Variants in OSER1 observed in about 807,000 individuals in gnomAD.
The protein encoded by OSER1 is oxidative stress-responsive serine-rich protein 1.
Under a neutral mutation model 26.3 loss-of-function variants are expected in OSER1, and 15 were observed. The ratio of observed to expected loss-of-function variants is 0.57; its 90% CI spans 0.38 to 0.88. The LOEUF is 0.88. Ranked by LOEUF, OSER1 falls within the 40% of genes least tolerant of loss-of-function variation. The probability of loss-of-function intolerance (pLI) is 0.00; values close to 1 mark genes in which losing one functional copy is unlikely to be tolerated. For synonymous variants in OSER1, 127 were observed against 128.2 expected (o/e 0.99, Z 0.07); for missense variants, 313 against 353.9 (o/e 0.88, Z 0.93).
At chr20:44,209,363 G>A (rs2073073500) in intron 1 of OSER1, among the ~76,000 whole-genome samples, 1 of 152,146 alleles carries the variant, frequency 6.6e-6, no homozygotes, top group Non-Finnish European at 1.5e-5. Context: ...ATGAGCGTTA[G>A]GCATAACCTT....
chr20:44,202,123 C>A (rs947431623), intron 3 of OSER1, among the ~76,000 whole-genome samples: 1 of 152,190 alleles, frequency 6.6e-6, no homozygotes, highest in Non-Finnish European at 1.5e-5. Flanking sequence ...CACCTGTAAT[C>A]CTAGCACTTT....
At position 44,196,669 on chromosome 20, in the gene OSER1, T is replaced by C. The variant is rs1452456682; in HGVS notation, c.*383A>G. On this transcript the variant is annotated 3_prime_UTR_variant, in exon 4 of 4. Transcript: ENST00000255174. ...GCTGGCAACTACAGCATGACAAATG[T>C]TTAGTGCAGTTACAAAATCACATTT... 5.4e-6 allele frequency: 1 copy of C among 183,764 alleles called. No individual in the cohort carries two copies. Among genetic ancestry groups the C allele is most frequent in the Non-Finnish European group, 1.2e-5 (1 of 86,424 alleles). The allele number at this position is 183,764 out of a possible 1,614,324, so 11.4% of individuals were successfully genotyped here.
At chr20:44,199,713 C>T (rs1479190084) in intron 3 of OSER1, among the ~76,000 whole-genome samples, 2 of 152,206 alleles carry the variant, frequency 1.3e-5, no homozygotes, top group African/African-American at 4.8e-5. Flanking sequence ...GTGAAAGTTA[C>T]AGCCACAGTG....
In OSER1 at chr20:44,207,012, T is replaced by A. The variant is rs1041368240; in HGVS notation, c.-41-14A>T. On this transcript the variant is annotated splice_polypyrimidine_tract_variant and intron_variant, in intron 1 of 3. Transcript: ENST00000255174. ...TTCCTGTTTACACTAAAAAAGAAAATAAAGTGAGCAAAGTAAAAACAGGTG... is the reference window on the plus strand; with the variant it reads ...TTCCTGTTTACACTAAAAAAGAAAAAAAAGTGAGCAAAGTAAAAACAGGTG... 7.6e-7 allele frequency: 1 copy of A among 1,309,796 alleles called. No homozygotes were observed. The highest frequency in any genetic ancestry group is 1.2e-5 in the South Asian group (1 of 81,280). The allele number at this position is 1,309,796 out of a possible 1,614,324, so 81.1% of individuals were successfully genotyped here. A position where few individuals can be genotyped will look rare whatever the true frequency, so the allele number is the denominator to read the frequency against.
At chr20:44,211,058 T>G (rs901165679), upstream of OSER1, 1 of 152,414 alleles carries the variant, frequency 6.6e-6, no homozygotes, top group Non-Finnish European at 1.5e-5. Flanking sequence ...GGGGCGTGCC[T>G]GCTTCCTCCT....
In OSER1 at chr20:44,205,227, G is replaced by A. The variant is rs74653997; in HGVS notation, c.77+1654C>T. ...TACAAAATTACACACTAAGAGATTT[G>A]TATGTATAATTGTGGGTACACATTC... On this transcript the variant is annotated intron_variant, in intron 2 of 3. Transcript: ENST00000255174. Among the ~76,000 whole-genome samples the A allele has an allele frequency of 2.3e-3, 351 of 152,276 alleles. 1 individual carries two copies. Among genetic ancestry groups the A allele is most frequent in the African/African-American group, 8.1e-3 (337 of 41,536 alleles).
At chr20:44,204,441 T>C (rs887909621) in intron 2 of OSER1, among the ~76,000 whole-genome samples, 11 of 152,218 alleles carry the variant, frequency 7.2e-5, no homozygotes, top group African/African-American at 2.7e-4. Context: ...TCTCCTTCCC[T>C]TCTTATAATT....
At position 44,203,118 on chromosome 20, in the gene OSER1, TGAG is replaced by T. The variant is rs759194157; in HGVS notation, c.78-47_78-45del. The stretch of plus-strand genomic sequence containing the variant: ...TTTACAGCTACAAAAAACTGTAAAA[TGAG>T]GAGAACATATTGTTCTCACTAGCTC... On this transcript the variant is annotated intron_variant, in intron 2 of 3. Transcript: ENST00000255174. 31 of 1,016,312 alleles carry T rather than the reference TGAG, an allele frequency of 3.1e-5. No individual in the cohort carries two copies. The African/African-American group carries it at 4.4e-4, about 14-fold the overall frequency. The allele number at this position is 1,016,312 out of a possible 1,614,324, so 63.0% of individuals were successfully genotyped here.
At chr20:44,210,496 GT>G (rs1190937711) in intron 1 of OSER1, among the ~76,000 whole-genome samples, 199 bp downstream of exon 1, 1 of 152,190 alleles carries the variant, frequency 6.6e-6, no homozygotes, top group African/African-American at 2.4e-5. Flanking sequence ...GGGAGAGAGC[GT>G]GGAGCTCGGA....
intron 2 of OSER1, among the ~76,000 whole-genome samples, chr20:44,204,259 G>A (rs1285597620): frequency 6.6e-6 from 1 of 152,198 alleles, no homozygotes; most frequent in African/African-American, 2.4e-5. Flanking sequence ...ACAGGATCAT[G>A]CTAAATTCCT....
rs370458663 is a variant in OSER1, at chr20:44,196,952, G to A, written c.*100C>T. ...TTATTGCAAGCACAGTGAGCAGAAA[G>A]AGATGTCTTCTCACACAAAGTGGCC... On this transcript the variant is annotated 3_prime_UTR_variant, in exon 4 of 4. Transcript: ENST00000255174. The A allele has an allele frequency of 9.0e-6, 7 of 779,294 alleles. No homozygotes were observed. Among genetic ancestry groups the A allele is most frequent in the Admixed American group, 4.3e-5 (2 of 46,298 alleles). The allele number at this position is 779,294 out of a possible 1,614,324, so 48.3% of individuals were successfully genotyped here.
intron 3 of OSER1, among the ~76,000 whole-genome samples, chr20:44,199,252 G>A (rs2072956245): frequency 2.0e-5 from 3 of 152,184 alleles, no homozygotes; most frequent in Admixed American, 6.5e-5. Context: ...CTGCCTTCAA[G>A]AATGGATTAA....
intron 2 of OSER1, among the ~76,000 whole-genome samples, chr20:44,203,694 T>TTAACACA (rs1555866748): frequency 6.9e-6 from 1 of 145,362 alleles, no homozygotes; most frequent in East Asian, 2.0e-4. Flanking sequence ...CAGACTTTTT[T>TTAACACA]CACACACACA....
Position 44,197,471 on chromosome 20 carries a change from C to A in OSER1, c.460G>T (p.Val154Phe). 1 of 1,614,200 alleles carries A rather than the reference C, an allele frequency of 6.2e-7. No homozygotes were observed. Residue 154 changes from valine (V) to phenylalanine (F), a missense_variant, in exon 4 of 4, where the codon GTT (valine) becomes TTT (phenylalanine). Transcript: ENST00000255174. ...GAVVEPLRTSVPRLPSESKKE... is the reference protein window; with the variant it reads ...GAVVEPLRTSFPRLPSESKKE... Reference sequence around the variant, plus strand: ...TTACTCTCTGATGGGAGCCTTGGAACAGAAGTTCTCAAAGGCTCAACGACT... The same window carrying A: ...TTACTCTCTGATGGGAGCCTTGGAAAAGAAGTTCTCAAAGGCTCAACGACT...
chr20:44,210,501 G>A (rs1267812144), intron 1 of OSER1, among the ~76,000 whole-genome samples, 195 bp downstream of exon 1: 1 of 152,196 alleles, frequency 6.6e-6, no homozygotes, highest in Non-Finnish European at 1.5e-5. Context: ...AGAGCGTGGA[G>A]CTCGGAGCTC....
rs148952792 is a variant in OSER1 at position 44,201,207 on chromosome 20, C to T, written c.191+1754G>A. 5.9e-5 allele frequency among the ~76,000 whole-genome samples: 9 copies of T among 152,292 alleles called. No individual in the cohort carries two copies. In the East Asian group the frequency reaches 1.5e-3, roughly 26 times the overall value. ...AGCATTGTGGTAGGTATTATAAGTA[C>T]TCTAGAGATGGTTTAAAGTATACAG... On this transcript the variant is annotated intron_variant, in intron 3 of 3. Transcript: ENST00000255174.
chr20:44,202,850 T>A, intron 3 of OSER1, 111 bp downstream of exon 3: 1 of 547,016 alleles, frequency 1.8e-6, no homozygotes, highest in African/African-American at 1.9e-5. Context: ...CATCTAATCA[T>A]TGGGTCTTAG....
At chr20:44,210,384 A>C (rs1301053320) in intron 1 of OSER1, among the ~76,000 whole-genome samples, 3 of 152,212 alleles carry the variant, frequency 2.0e-5, no homozygotes, top group African/African-American at 7.2e-5. Flanking sequence ...GAAGGGGCAA[A>C]GGGCGGCCAA....
At chr20:44,207,199 T>A (rs554896025) in intron 1 of OSER1, 1 of 348,908 alleles carries the variant, frequency 2.9e-6, no homozygotes, top group South Asian at 6.0e-5. Context: ...TGACAGAATA[T>A]AAACTGTTCA....
Sources: gnomAD v4.1 joint callset for allele counts (sites outside exome capture counted in the v4.1 genomes callset) on GRCh38, gnomAD v4.1.1 for gene constraint, MANE v1.5 for transcripts, NCBI Gene and HGNC (gene_info 2026-07-23, HGNC 2026-07-21) for gene names.